The following LPIN2 variants were observed in gnomAD, a reference collection of about 807,000 sequenced individuals.
LPIN2 encodes lipin 2.
A neutral mutation model predicts 111.4 loss-of-function variants in LPIN2; 55 were observed. That is an observed-to-expected ratio of 0.49 (90% CI 0.40 to 0.62). The LOEUF (loss-of-function observed/expected upper bound fraction) is 0.62, where lower values mean the gene tolerates loss of function less well. Among genes scored for constraint, LPIN2 ranks in the 20% least tolerant of loss-of-function variants. The pLI is 0.00. For missense variants in LPIN2, 992 were observed against 1,112.1 expected (o/e 0.89, Z 1.54); for synonymous variants, 425 against 414.0 (o/e 1.03, Z -0.32).
At chr18:2,977,132 T>C (rs1032011540) in intron 1 of LPIN2, 1 of 148,984 alleles carries the variant, frequency 6.7e-6, no homozygotes, top group African/African-American at 2.5e-5. Context: ...TGCTTGAGCC[T>C]GGGAGGCAGA....
rs544087812 is a variant in LPIN2 at position 2,973,019 on chromosome 18, TTC to T, written c.-9-12172_-9-12171del. Among the ~76,000 whole-genome samples the T allele has an allele frequency of 7.9e-5, 12 of 152,324 alleles. 1 individual carries two copies. The South Asian group carries it at 2.1e-3, about 26-fold the overall frequency. The stretch of plus-strand genomic sequence containing the variant: ...ATTAAGAACTGTAATCAGTTCAACA[TTC>T]TGTTTATAATTAATAATGAAAGATA... On this transcript the variant is annotated intron_variant, in intron 1 of 19. Transcript: ENST00000677752.
chr18:2,944,111 T>G (rs912458575), intron 4 of LPIN2, among the ~76,000 whole-genome samples: 1 of 151,990 alleles, frequency 6.6e-6, no homozygotes, highest in African/African-American at 2.4e-5. Flanking sequence ...CTTCTTAAGC[T>G]CTGCACTGCA....
chr18:2,948,781 A>G lies in LPIN2; in HGVS notation c.590+2274T>C, dbSNP rs1348066903. ...TGCCCACCTACACATTTTAGTATGC[A>G]TAAGACAAAACTTTTAAAGGAAATT... On this transcript the variant is annotated intron_variant, in intron 4 of 19. Coordinates refer to ENST00000677752, the MANE Select transcript of LPIN2 (RefSeq NM_001375808.2). Among the ~76,000 whole-genome samples the G allele has an allele frequency of 7.2e-5, 11 of 152,212 alleles. No individual in the cohort carries two copies. In the South Asian group the frequency reaches 1.0e-3, roughly 14 times the overall value.
intron 1 of LPIN2, among the ~76,000 whole-genome samples, chr18:2,995,815 T>TTTAAAAAGGAAGGGGTGTTTCAAAA (rs1289475584): frequency 1.3e-5 from 2 of 152,166 alleles, no homozygotes; most frequent in Non-Finnish European, 2.9e-5. Context: ...CTGAAAGCAA[T>TTTAAAAAGGAAGGGGTGTTTCAAAA]TTAAAAAGGA....
At chr18:2,948,942 T>C (rs1478976914) in intron 4 of LPIN2, among the ~76,000 whole-genome samples, 1 of 151,846 alleles carries the variant, frequency 6.6e-6, no homozygotes, top group East Asian at 1.9e-4. Context: ...GCCTCCTGAG[T>C]AATTAGCCTG....
intron 1 of LPIN2, among the ~76,000 whole-genome samples, chr18:2,993,081 T>C (rs946792404): frequency 5.3e-5 from 8 of 150,584 alleles, no homozygotes; most frequent in Admixed American, 3.3e-4. Flanking sequence ...GGAGCTTGAG[T>C]GTGCAGTAAG....
chr18:3,002,740 C>G (rs1338085958), intron 1 of LPIN2, among the ~76,000 whole-genome samples: 1 of 152,196 alleles, frequency 6.6e-6, no homozygotes, highest in Non-Finnish European at 1.5e-5. Flanking sequence ...AAGCTTTTAA[C>G]TAAACAGTAA....
intron 1 of LPIN2, among the ~76,000 whole-genome samples, chr18:2,968,971 G>C (rs1452114771): frequency 6.6e-6 from 1 of 152,208 alleles, no homozygotes; most frequent in Non-Finnish European, 1.5e-5. Context: ...AGGGAGCTGA[G>C]AATCAGTTAG....
At chr18:2,990,847 C>T (rs1211807281) in intron 1 of LPIN2, 5 of 437,562 alleles carry the variant, frequency 1.1e-5, no homozygotes, top group African/African-American at 6.0e-5. Flanking sequence ...TGTTCCCCGC[C>T]GGCAGGGACA....
chr18:2,939,147 CAAGAA>C (rs2077333962), intron 6 of LPIN2, among the ~76,000 whole-genome samples: 2 of 152,088 alleles, frequency 1.3e-5, no homozygotes, highest in Non-Finnish European at 2.9e-5. Context: ...GGTGACAGAG[CAAGAA>C]CTCTGTCTCC....
intron 1 of LPIN2, among the ~76,000 whole-genome samples, chr18:2,980,009 T>C (rs1364382894): frequency 1.3e-5 from 2 of 152,282 alleles, no homozygotes; most frequent in South Asian, 2.1e-4. Context: ...CACAGCTCAG[T>C]GGCAAGAGCA....
chr18:2,971,459 G>T (rs1242401210), intron 1 of LPIN2, among the ~76,000 whole-genome samples: 1 of 152,150 alleles, frequency 6.6e-6, no homozygotes, highest in Non-Finnish European at 1.5e-5. Context: ...CCACCACGCG[G>T]CATGAACATT....
intron 1 of LPIN2, among the ~76,000 whole-genome samples, chr18:2,993,202 AAAGAAGAAAG>A (rs566808822): frequency 5.7e-4 from 86 of 152,186 alleles, no homozygotes; most frequent in Non-Finnish European, 7.5e-4. Flanking sequence ...AGAAAGGAAC[AAAGAAGAAAG>A]AAGAAGAAAG....
chr18:2,927,229 T>C (rs1468080270), intron 12 of LPIN2, among the ~76,000 whole-genome samples: 2 of 152,228 alleles, frequency 1.3e-5, no homozygotes, highest in Non-Finnish European at 2.9e-5. Flanking sequence ...GAGAACTCCC[T>C]GAACCCTCTT....
At chr18:3,006,110 T>TC in intron 1 of LPIN2, among the ~76,000 whole-genome samples, 1 of 152,164 alleles carries the variant, frequency 6.6e-6, no homozygotes, top group East Asian at 1.9e-4. Flanking sequence ...TGGTTGTGAC[T>TC]TAAGAGAGAT....
At chr18:2,961,409 G>A (rs1401211311) in intron 1 of LPIN2, among the ~76,000 whole-genome samples, 1 of 152,196 alleles carries the variant, frequency 6.6e-6, no homozygotes, top group Non-Finnish European at 1.5e-5. Context: ...TGGCAAGTCT[G>A]CCTGAGCCTA....
chr18:3,012,276 G>A (rs1463666820), intron 1 of LPIN2, among the ~76,000 whole-genome samples: 1 of 152,168 alleles, frequency 6.6e-6, no homozygotes, highest in Non-Finnish European at 1.5e-5. Flanking sequence ...AGTATTCAGA[G>A]TTCCAGTACT....
At chr18:2,984,655 CAGG>C (rs2078161675) in intron 1 of LPIN2, among the ~76,000 whole-genome samples, 1 of 151,830 alleles carries the variant, frequency 6.6e-6, no homozygotes, top group Non-Finnish European at 1.5e-5. Context: ...AACTGGATAG[CAGG>C]AGAAGGGGAA....
intron 7 of LPIN2, among the ~76,000 whole-genome samples, chr18:2,934,674 T>C (rs2077260905): frequency 6.6e-6 from 1 of 152,272 alleles, no homozygotes; most frequent in Admixed American, 6.5e-5. Context: ...TTACTCATTC[T>C]CTCATTTGCT....
Sources: gnomAD v4.1 joint callset for allele counts (sites outside exome capture counted in the v4.1 genomes callset) on GRCh38, gnomAD v4.1.1 for gene constraint, MANE v1.5 for transcripts, NCBI Gene and HGNC (gene_info 2026-07-23, HGNC 2026-07-21) for gene names.